CNKSR2: variants seen among roughly 807,000 people sequenced by gnomAD.
The protein encoded by CNKSR2 is connector enhancer of kinase suppressor of Ras 2.
CNKSR2 carries 14 observed loss-of-function variants against 84.4 expected under a neutral mutation model. The observed-to-expected ratio is 0.17, with a 90% CI of 0.11 to 0.26. The LOEUF (loss-of-function observed/expected upper bound fraction) is 0.26. CNKSR2 is among the 10% of genes least tolerant of loss of function. The pLI, the probability that CNKSR2 is intolerant of heterozygous loss-of-function variation, is 1.00. For synonymous variants in CNKSR2, 275 were observed against 277.9 expected, an observed-to-expected ratio of 0.99 and a Z score of 0.10; for missense variants, 485 against 771.2, an observed-to-expected ratio of 0.63 and a Z score of 4.40.
Position 21,499,691 on chromosome X carries a change from G to T in CNKSR2, c.742-1829G>T, listed in dbSNP as rs551999763. 3.6e-4 allele frequency among the ~76,000 whole-genome samples: 40 copies of T among 109,788 alleles called. 2 individuals carry two copies. The highest frequency in any genetic ancestry group is 5.7e-4 in the East Asian group (2 of 3,503). ...TGGTAACCTCAGTCATTTATAATTA[G>T]GAGATCTGTCTTGAGTCTTAGTAAA... On this transcript the variant is annotated intron_variant, in intron 7 of 21. Transcript: ENST00000379510.
chrX:21,642,770 C>T (rs1471950274), intron 20 of CNKSR2: 15 of 702,881 alleles, frequency 2.1e-5, no homozygotes, highest in Non-Finnish European at 2.5e-5. Context: ...GCTAAGTATG[C>T]CTGATAGTAA....
At chrX:21,550,807 G>T (rs866752090) in intron 11 of CNKSR2, among the ~76,000 whole-genome samples, 2 of 110,834 alleles carry the variant, frequency 1.8e-5, no homozygotes, top group African/African-American at 3.3e-5. Context: ...AGGCAGAGGC[G>T]GGTGGATTGC....
intron 5 of CNKSR2, among the ~76,000 whole-genome samples, chrX:21,483,116 C>T (rs1307951796): frequency 9.0e-6 from 1 of 111,423 alleles, no homozygotes; most frequent in Admixed American, 9.6e-5. Context: ...CTGTGTTGCA[C>T]GTATGTTTAT....
At chrX:21,554,121 T>G (rs867953551) in intron 11 of CNKSR2, among the ~76,000 whole-genome samples, 1 of 111,990 alleles carries the variant, frequency 8.9e-6, no homozygotes, top group Non-Finnish European at 1.9e-5. Context: ...GTATAGCTTG[T>G]TCCCTCTTGT....
At chrX:21,559,761 T>C (rs1196704359) in intron 11 of CNKSR2, among the ~76,000 whole-genome samples, 1 of 111,719 alleles carries the variant, frequency 9.0e-6, no homozygotes, top group African/African-American at 3.2e-5. Context: ...AGCAGAGATA[T>C]ACTGTTGGAG....
chrX:21,520,783 T>G (rs2091775481), intron 9 of CNKSR2, among the ~76,000 whole-genome samples: 1 of 109,765 alleles, frequency 9.1e-6, no homozygotes, highest in Admixed American at 9.7e-5. Flanking sequence ...TCAAGACATT[T>G]TTATATAAAA....
At chrX:21,426,792 A>T (rs2090571077) in intron 2 of CNKSR2, 132 bp downstream of exon 2, 1 of 680,943 alleles carries the variant, frequency 1.5e-6, no homozygotes, top group Non-Finnish European at 2.1e-6. Context: ...AACCAGCTGG[A>T]CCTGATATTT....
intron 1 of CNKSR2, among the ~76,000 whole-genome samples, chrX:21,403,243 A>G (rs2090217078): frequency 9.0e-6 from 1 of 111,376 alleles, no homozygotes; most frequent in Admixed American, 9.6e-5. Context: ...CATAGGGGAA[A>G]TCAGTTCTCC....
intron 4 of CNKSR2, among the ~76,000 whole-genome samples, chrX:21,467,466 ATTTGT>A (rs1221467906): frequency 2.7e-5 from 3 of 111,057 alleles, no homozygotes; most frequent in East Asian, 2.8e-4. Context: ...ACCTTTCTTG[ATTTGT>A]TTTAACACAG....
chrX:21,529,473 A>G (rs1308713793), intron 10 of CNKSR2, among the ~76,000 whole-genome samples: 4 of 111,023 alleles, frequency 3.6e-5, no homozygotes, highest in South Asian at 3.7e-4. Context: ...TCTCCTATTA[A>G]CTCTACTGTG....
intron 5 of CNKSR2, among the ~76,000 whole-genome samples, chrX:21,471,429 C>A (rs1265064878): frequency 8.9e-6 from 1 of 111,988 alleles, no homozygotes; most frequent in Admixed American, 9.5e-5. Context: ...ATAACTTCTT[C>A]ACCTCTGGTG....
intron 4 of CNKSR2, among the ~76,000 whole-genome samples, chrX:21,449,264 A>G (rs1256837439): frequency 2.0e-5 from 2 of 98,518 alleles, no homozygotes; most frequent in Non-Finnish European, 4.0e-5. Context: ...AGATCACACC[A>G]CTGCACTCCA....
At chrX:21,489,449 C>CA (rs1034098919) in intron 5 of CNKSR2, among the ~76,000 whole-genome samples, 18 of 103,210 alleles carry the variant, frequency 1.7e-4, no homozygotes, top group East Asian at 9.1e-4. Flanking sequence ...ATAGTTAAAG[C>CA]AAAAAAAAAA....
At chrX:21,397,066 A>G (rs187959510) in intron 1 of CNKSR2, among the ~76,000 whole-genome samples, 89 of 111,654 alleles carry the variant, frequency 8.0e-4, no homozygotes, top group African/African-American at 2.8e-3. Context: ...CCCCATTTAT[A>G]GTTAAAATGC....
intron 11 of CNKSR2, among the ~76,000 whole-genome samples, chrX:21,543,839 T>G (rs1206560580): frequency 1.8e-5 from 2 of 111,415 alleles, no homozygotes; most frequent in Non-Finnish European, 3.8e-5. Context: ...TTTCTTTTTT[T>G]TGAGACAGGG....
chrX:21,438,340 C>T (rs1388306201), intron 3 of CNKSR2, among the ~76,000 whole-genome samples: 1 of 111,621 alleles, frequency 9.0e-6, no homozygotes, highest in African/African-American at 3.3e-5. Flanking sequence ...CTTATGGGAC[C>T]ATTGTGGTAT....
At chrX:21,379,984 A>G (rs1049192285) in intron 1 of CNKSR2, among the ~76,000 whole-genome samples, 1 of 111,245 alleles carries the variant, frequency 9.0e-6, no homozygotes, top group African/African-American at 3.3e-5. Context: ...CTAGAGTTGA[A>G]ATGGGGTTAT....
chrX:21,398,084 C>T (rs1388241886), intron 1 of CNKSR2, among the ~76,000 whole-genome samples: 4 of 111,472 alleles, frequency 3.6e-5, no homozygotes, highest in Non-Finnish European at 3.8e-5. Context: ...AAAGCCTCAA[C>T]AATTGGAATC....
chrX:21,543,444 T>G (rs1482478190), intron 11 of CNKSR2, among the ~76,000 whole-genome samples: 2 of 112,531 alleles, frequency 1.8e-5, no homozygotes. Context: ...CAAAATAATT[T>G]TTAGCATCAA....
Sources: allele counts gnomAD v4.1 joint callset (sites outside exome capture counted in the v4.1 genomes callset), GRCh38; gene constraint gnomAD v4.1.1; transcripts MANE v1.5; gene names NCBI Gene and HGNC (gene_info 2026-07-23, HGNC 2026-07-21).